LOXL2: variants seen among roughly 807,000 people sequenced by gnomAD.
LOXL2 encodes lysyl oxidase like 2, also known as lysyl oxidase homolog 2.
Under a neutral mutation model 93.0 loss-of-function variants are expected in LOXL2, and 70 were observed. That is an observed-to-expected ratio of 0.75 (90% CI 0.62 to 0.92). The LOEUF is 0.92. Ranked by LOEUF, LOXL2 falls within the 40% of genes least tolerant of loss-of-function variation. The pLI, the probability that LOXL2 is intolerant of heterozygous loss-of-function variation, is 0.00. For synonymous variants in LOXL2, 438 were observed against 413.2 expected, an observed-to-expected ratio of 1.06 and a Z score of -0.73; for missense variants, 973 against 1,054.9, an observed-to-expected ratio of 0.92 and a Z score of 1.08.
chr8:23,302,053 C>T lies in LOXL2; in HGVS notation c.2107G>A (p.Val703Met), dbSNP rs114831216. The change falls in exon 12 of 14, where the codon GTG (valine) becomes ATG (methionine). Residue 703 changes from valine (V) to methionine (M), a missense_variant. Transcript: ENST00000389131. ...IDCQWVDITD[V>M]PPGDYLFQVV... Reference sequence around the variant, plus strand: ...TGGAACAGGTAGTCTCCAGGGGGCACGTCAGTGATGTCAACCCACTGGCAG... The same window carrying T: ...TGGAACAGGTAGTCTCCAGGGGGCATGTCAGTGATGTCAACCCACTGGCAG... 2.3e-4 allele frequency: 369 copies of T among 1,614,154 alleles called. 1 individual carries two copies. The African/African-American group carries it at 3.9e-3, about 17-fold the overall frequency.
intron 1 of LOXL2, among the ~76,000 whole-genome samples, chr8:23,377,264 T>C (rs1212662467): frequency 6.6e-6 from 1 of 152,180 alleles, no homozygotes; most frequent in African/African-American, 2.4e-5. Flanking sequence ...GTGGGTTTCT[T>C]AATCCTGAGT....
At chr8:23,324,502 G>A (rs1197669014) in intron 6 of LOXL2, among the ~76,000 whole-genome samples, 1 of 152,186 alleles carries the variant, frequency 6.6e-6, no homozygotes, top group African/African-American at 2.4e-5. Context: ...TCTGGCTTCA[G>A]CGTCTGGGTG....
intron 1 of LOXL2, among the ~76,000 whole-genome samples, chr8:23,383,604 G>C (rs73549875): frequency 0.04 from 6,007 of 149,406 alleles, 396 homozygotes; most frequent in African/African-American, 0.14. Flanking sequence ...GACATTTAAG[G>C]CTTAAGGAAT....
intron 10 of LOXL2, among the ~76,000 whole-genome samples, chr8:23,307,955 A>AG (rs1563185304): frequency 6.8e-6 from 1 of 147,988 alleles, no homozygotes; most frequent in African/African-American, 2.5e-5. Flanking sequence ...TGCGATATGA[A>AG]AAAAAAAAAA....
intron 6 of LOXL2, among the ~76,000 whole-genome samples, chr8:23,322,979 C>A (rs1171605112): frequency 2.0e-5 from 3 of 152,214 alleles, no homozygotes; most frequent in Non-Finnish European, 4.4e-5. Context: ...ACAACAGGTG[C>A]TCTGGGGCTT....
At position 23,302,099 on chromosome 8, in the gene LOXL2, G is replaced by A. The variant is rs1803142776; in HGVS notation, c.2061C>T (p.Asp687=). 2 of 1,614,036 alleles carry A rather than the reference G, an allele frequency of 1.2e-6. No homozygotes were observed. Among genetic ancestry groups the A allele is most frequent in the Non-Finnish European group, 1.7e-6 (2 of 1,180,006 alleles). Residue 687 remains aspartate (D), a synonymous_variant, in exon 12 of 14, where the codon GAC becomes GAT. Transcript: ENST00000389131. ...GDQGITMGCW[D]MYRHDIDCQW... is the part of the protein sequence containing the mutation. Reference sequence around the variant, plus strand: ...GGCAGTCGATGTCATGGCGGTACATGTCCCAGCAGCCCATGGTGATGCCCT... The same window carrying A: ...GGCAGTCGATGTCATGGCGGTACATATCCCAGCAGCCCATGGTGATGCCCT...
Position 23,297,995 on chromosome 8 carries a change from G to T in LOXL2, c.*48C>A. ...CTCAGTTGTTGGGGGGAAGTCCCAT[G>T]GAAGATGTGGTGTGGCCTGAAGACA... On this transcript the variant is annotated 3_prime_UTR_variant, in exon 14 of 14. Transcript: ENST00000389131. 1 of 1,504,224 alleles carries T rather than the reference G, an allele frequency of 6.6e-7. No homozygotes were observed. The highest frequency in any genetic ancestry group is 1.4e-5 in the African/African-American group (1 of 73,010). 93.2% of individuals were successfully genotyped at this position (1,504,224 alleles called of 1,614,324 possible).
chr8:23,386,637 G>C (rs570529299), intron 1 of LOXL2, among the ~76,000 whole-genome samples: 1 of 151,998 alleles, frequency 6.6e-6, no homozygotes, highest in East Asian at 1.9e-4. Flanking sequence ...TAGAAAACAG[G>C]CAGATCTATT....
intron 3 of LOXL2, among the ~76,000 whole-genome samples, chr8:23,357,985 A>G (rs1330641805): frequency 1.3e-5 from 2 of 152,348 alleles, no homozygotes; most frequent in East Asian, 1.9e-4. Flanking sequence ...ATTGCATACA[A>G]TGATACATAA....
At chr8:23,381,540 C>T (rs1364808596) in intron 1 of LOXL2, among the ~76,000 whole-genome samples, 2 of 152,196 alleles carry the variant, frequency 1.3e-5, no homozygotes, top group Non-Finnish European at 1.5e-5. Flanking sequence ...TTTGTTTTAA[C>T]AAGCATTCTT....
intron 1 of LOXL2, among the ~76,000 whole-genome samples, chr8:23,383,181 C>A (rs1341478259): frequency 6.6e-6 from 1 of 152,164 alleles, no homozygotes; most frequent in East Asian, 1.9e-4. Context: ...CCTTGAGGAA[C>A]TTACTGGCGC....
At chr8:23,358,331 T>C (rs1351614008) in intron 3 of LOXL2, among the ~76,000 whole-genome samples, 1 of 152,162 alleles carries the variant, frequency 6.6e-6, no homozygotes, top group Non-Finnish European at 1.5e-5. Context: ...TACAGCAGGG[T>C]TGGGCAAATT....
chr8:23,325,434 T>C (rs551800844), intron 6 of LOXL2, among the ~76,000 whole-genome samples: 1 of 152,042 alleles, frequency 6.6e-6, no homozygotes, highest in South Asian at 2.1e-4. Context: ...GGACCACAGG[T>C]GTGTACCACC....
At chr8:23,301,019 G>T (rs1262066908) in intron 12 of LOXL2, among the ~76,000 whole-genome samples, 1 of 152,216 alleles carries the variant, frequency 6.6e-6, no homozygotes, top group Non-Finnish European at 1.5e-5. Flanking sequence ...AACTGCCCAG[G>T]AATTCTCTGA....
intron 2 of LOXL2, among the ~76,000 whole-genome samples, chr8:23,360,773 G>A (rs1804276536): frequency 1.3e-5 from 2 of 152,146 alleles, no homozygotes; most frequent in African/African-American, 2.4e-5. Context: ...TGATGATGAT[G>A]TTTTAGTGAC....
intron 2 of LOXL2, among the ~76,000 whole-genome samples, chr8:23,360,893 G>A (rs1804278457): frequency 1.3e-5 from 2 of 151,476 alleles, no homozygotes; most frequent in Non-Finnish European, 2.9e-5. Context: ...AGGTTTGTGG[G>A]GTTTTTTTTG....
chr8:23,306,312 T>C (rs1803228408), intron 10 of LOXL2, among the ~76,000 whole-genome samples: 1 of 152,206 alleles, frequency 6.6e-6, no homozygotes, highest in Non-Finnish European at 1.5e-5. Flanking sequence ...TCTACATCTT[T>C]TCCCACCCCA....
intron 1 of LOXL2, among the ~76,000 whole-genome samples, chr8:23,371,805 G>T (rs1337199357): frequency 7.1e-6 from 1 of 140,644 alleles, no homozygotes; most frequent in Non-Finnish European, 1.5e-5. Context: ...AGCGCAGCAC[G>T]AAAGGCAGGA....
chr8:23,310,866 C>T (rs778989900), intron 9 of LOXL2, among the ~76,000 whole-genome samples: 53 of 152,180 alleles, frequency 3.5e-4, no homozygotes, highest in Admixed American at 9.2e-4. Context: ...CTACAATCTA[C>T]GTTTACTAAA....
Sources: gnomAD v4.1 joint callset for allele counts (sites outside exome capture counted in the v4.1 genomes callset) on GRCh38, gnomAD v4.1.1 for gene constraint, MANE v1.5 for transcripts, NCBI Gene and HGNC (gene_info 2026-07-23, HGNC 2026-07-21) for gene names.